Variants in NUP42 observed in about 807,000 individuals in gnomAD.
NUP42 encodes nucleoporin NUP42.
NUP42 carries 47 observed loss-of-function variants against 35.9 expected under a neutral mutation model. That is an observed-to-expected ratio of 1.31 (90% CI 1.04 to 1.67). The LOEUF (loss-of-function observed/expected upper bound fraction) is 1.67. NUP42 is among the 40% of genes most tolerant of loss of function. NUP42 has a pLI of 0.00. For synonymous variants in NUP42, 173 were observed against 173.3 expected (o/e 1.00, Z 0.01); for missense variants, 514 against 492.2 (o/e 1.04, Z -0.42).
chr7:23,182,122 C>T lies in NUP42; in HGVS notation c.37C>T (p.Arg13Cys), dbSNP rs765112038. The part of the protein sequence containing the change: ...ICQFFLQGRC[R>C]FGDRCWNEHP... ...TCAATTCTTCCTTCAAGGCCGGTGCCGCTTTGGAGATCGGTGCTGGAACGA... is the reference window on the plus strand; with the variant it reads ...TCAATTCTTCCTTCAAGGCCGGTGCTGCTTTGGAGATCGGTGCTGGAACGA... Residue 13 changes from arginine to cysteine, a missense_variant, in exon 1 of 7, where the codon CGC becomes TGC. By Grantham distance (180) the Arg-to-Cys change is radical. Transcript: ENST00000258742. The T allele has an allele frequency of 1.2e-6, 2 of 1,614,172 alleles. No homozygotes were observed. The highest frequency in any genetic ancestry group is 2.2e-5 in the East Asian group (1 of 44,892).
intron 3 of NUP42, chr7:23,187,940 CTCT>C: frequency 3.7e-6 from 1 of 267,082 alleles, no homozygotes; most frequent in Non-Finnish European, 7.2e-6. Flanking sequence ...TTCTCTGTCT[CTCT>C]CTCTCTCTCT....
At chr7:23,184,046 A>G (rs1785509380) in intron 1 of NUP42, among the ~76,000 whole-genome samples, 1 of 152,148 alleles carries the variant, frequency 6.6e-6, no homozygotes, top group Non-Finnish European at 1.5e-5. Context: ...CTAGGAAGTG[A>G]TGAGTAAATG....
intron 3 of NUP42, chr7:23,188,017 T>TTTA: frequency 8.6e-7 from 1 of 1,163,162 alleles, no homozygotes; most frequent in African/African-American, 1.6e-5. Context: ...ATTTTTATTT[T>TTTA]TTTTTTTGTC....
At chr7:23,182,978 A>T (rs912364347) in intron 1 of NUP42, among the ~76,000 whole-genome samples, 3 of 152,062 alleles carry the variant, frequency 2.0e-5, no homozygotes, top group African/African-American at 7.2e-5. Flanking sequence ...CCATACCGCA[A>T]AAATGCACCT....
chr7:23,188,013 A>T (rs113040965), intron 3 of NUP42: 38,590 of 907,642 alleles, frequency 0.043, 1,578 homozygotes, highest in African/African-American at 0.16. Context: ...TTTTATTTTT[A>T]TTTTTTTTTT....
chr7:23,186,029 C>T (rs1370794658), intron 2 of NUP42, among the ~76,000 whole-genome samples: 1 of 152,228 alleles, frequency 6.6e-6, no homozygotes, highest in East Asian at 1.9e-4. Context: ...CATAAGCCAC[C>T]ATACCCAGCC....
chr7:23,184,763 G>A (rs1329482090), intron 1 of NUP42, among the ~76,000 whole-genome samples: 1 of 152,172 alleles, frequency 6.6e-6, no homozygotes, highest in African/African-American at 2.4e-5. Flanking sequence ...CCAGCACTTT[G>A]GGAGGCTGAG....
intron 2 of NUP42, 32 bp from the exon 3 acceptor site, chr7:23,187,020 C>A: frequency 7.2e-7 from 1 of 1,396,782 alleles, no homozygotes; most frequent in Non-Finnish European, 9.9e-7. Flanking sequence ...TAAGAAGATC[C>A]TTTACTCTTT....
At chr7:23,195,812 A>G (rs760570551) in intron 3 of NUP42, 27 bp from the exon 4 acceptor site, 5 of 1,471,612 alleles carry the variant, frequency 3.4e-6, no homozygotes, top group Non-Finnish European at 9.4e-7. Flanking sequence ...ATTTATTTTA[A>G]AGATTCCGAT....
intron 3 of NUP42, among the ~76,000 whole-genome samples, chr7:23,190,567 T>A (rs1293442612): frequency 6.6e-6 from 1 of 152,242 alleles, no homozygotes; most frequent in East Asian, 1.9e-4. Flanking sequence ...TTTAAGAATG[T>A]AAAGGAGTAC....
intron 3 of NUP42, among the ~76,000 whole-genome samples, chr7:23,189,054 G>A (rs1426771398): frequency 6.6e-6 from 1 of 152,144 alleles, no homozygotes; most frequent in Non-Finnish European, 1.5e-5. Context: ...CACACAAAAA[G>A]TGTGTCTGCC....
intron 2 of NUP42, 57 bp downstream of exon 2, chr7:23,185,355 A>G (rs1423673717): frequency 1.7e-6 from 2 of 1,161,860 alleles, no homozygotes; most frequent in African/African-American, 3.1e-5. Flanking sequence ...TTTCACCTAC[A>G]ATCTTTGTTG....
chr7:23,188,133 C>G, intron 3 of NUP42: 1 of 1,328,250 alleles, frequency 7.5e-7, no homozygotes, highest in Non-Finnish European at 9.7e-7. Context: ...CAGTGGGTAC[C>G]TTGCAAATGG....
chr7:23,197,609 A>G (rs1292805724), intron 5 of NUP42, among the ~76,000 whole-genome samples: 1 of 152,210 alleles, frequency 6.6e-6, no homozygotes, highest in African/African-American at 2.4e-5. Context: ...AGGATAACTG[A>G]GTCCAAAGAA....
intron 1 of NUP42, chr7:23,182,506 A>C (rs1178857607): frequency 1.2e-5 from 14 of 1,141,464 alleles, no homozygotes; most frequent in Non-Finnish European, 1.5e-5. Flanking sequence ...GCCGGAATTG[A>C]ATATAATTTT....
chr7:23,192,309 G>A (rs974287725), intron 3 of NUP42, among the ~76,000 whole-genome samples: 2 of 152,020 alleles, frequency 1.3e-5, no homozygotes, highest in East Asian at 3.9e-4. Context: ...ACTTTGGGAG[G>A]CTGAGGCGGG....
rs1037016890 is a variant in NUP42 at position 23,199,630 on chromosome 7, A to G, written c.694+88A>G. 4 of 1,097,396 alleles carry G rather than the reference A, an allele frequency of 3.6e-6. No individual in the cohort carries two copies. The African/African-American group carries it at 6.2e-5, about 17-fold the overall frequency. 68.0% of individuals were successfully genotyped at this position (1,097,396 alleles called of 1,614,324 possible). ...ATTACAAGCCTGAATCGCCATTTTA[A>G]ATTACCTTCGTAAATTCTACAACCT... On this transcript the variant is annotated intron_variant, in intron 6 of 6. Transcript: ENST00000258742.
chr7:23,184,117 C>G (rs1414952745), intron 1 of NUP42, among the ~76,000 whole-genome samples: 1 of 152,082 alleles, frequency 6.6e-6, no homozygotes, highest in Non-Finnish European at 1.5e-5. Context: ...AGGAGAGAAT[C>G]TTTTTGGCTC....
chr7:23,187,599 C>CTTTTTTT (rs11446033), intron 3 of NUP42, among the ~76,000 whole-genome samples: 5 of 84,826 alleles, frequency 5.9e-5, no homozygotes, highest in Admixed American at 1.4e-4. Context: ...GGGATAGCAA[C>CTTTTTTT]TTTTTTTTTT....
Sources: allele counts gnomAD v4.1 joint callset (sites outside exome capture counted in the v4.1 genomes callset), GRCh38; gene constraint gnomAD v4.1.1; transcripts MANE v1.5; gene names NCBI Gene and HGNC (gene_info 2026-07-23, HGNC 2026-07-21).